Variants in LINGO1 observed in about 807,000 individuals in gnomAD.
LINGO1 encodes leucine-rich repeat and immunoglobulin-like domain-containing nogo receptor-interacting protein 1.
A neutral mutation model predicts 37.3 loss-of-function variants in LINGO1; 11 were observed. That is an observed-to-expected ratio of 0.29 (90% confidence interval 0.19 to 0.49). The LOEUF (loss-of-function observed/expected upper bound fraction) is 0.49, where lower values mean the gene tolerates loss of function less well. Among genes scored for constraint, LINGO1 ranks in the 20% least tolerant of loss-of-function variants. The pLI is 0.99. For synonymous variants in LINGO1, 387 were observed against 403.0 expected, an observed-to-expected ratio of 0.96 and a Z score of 0.48; for missense variants, 585 against 878.2, an observed-to-expected ratio of 0.67 and a Z score of 4.22.
At chr15:77,629,384 C>T (rs1331732061) in intron 1 of LINGO1, among the ~76,000 whole-genome samples, 1 of 152,098 alleles carries the variant, frequency 6.6e-6, no homozygotes, top group Non-Finnish European at 1.5e-5. Context: ...ATGAACCTGC[C>T]TTCTCACACT....
intron 2 of LINGO1, among the ~76,000 whole-genome samples, chr15:77,709,367 G>C (rs886086060): frequency 1.1e-4 from 17 of 152,174 alleles, no homozygotes; most frequent in African/African-American, 4.1e-4. Context: ...TGACCTCACT[G>C]TATGCAGGGA....
intron 1 of LINGO1, among the ~76,000 whole-genome samples, chr15:77,774,034 C>T (rs55665482): frequency 0.033 from 5,014 of 152,220 alleles, 138 homozygotes; most frequent in Middle Eastern, 0.058. Flanking sequence ...GGAGCCCCTA[C>T]CCACCCACTG....
chr15:77,699,771 T>TCACCTGCACACAGTAAGTACATACTAAC (rs1567532365), upstream of LINGO1, among the ~76,000 whole-genome samples: 1 of 89,022 alleles, frequency 1.1e-5, no homozygotes, highest in African/African-American at 4.0e-5. Flanking sequence ...ATACTAACCA[T>TCACCTGCACACAGTAAGTACATACTAAC]CATTCCCCCC....
At chr15:77,736,201 C>A (rs2076202553) in intron 1 of LINGO1, among the ~76,000 whole-genome samples, 1 of 152,206 alleles carries the variant, frequency 6.6e-6, no homozygotes, top group African/African-American at 2.4e-5. Context: ...GCAATCCTAC[C>A]TGAAGGGGTA....
chr15:77,651,704 A>G (rs1461806564), intron 3 of LINGO1: 1 of 152,254 alleles, frequency 6.6e-6, no homozygotes, highest in Non-Finnish European at 1.5e-5. Flanking sequence ...CAAATGAAGA[A>G]CAAGCTCATA....
intron 3 of LINGO1, among the ~76,000 whole-genome samples, chr15:77,659,505 C>T (rs184968810): frequency 9.9e-5 from 15 of 152,206 alleles, no homozygotes; most frequent in Non-Finnish European, 1.5e-4. Context: ...CTGACCAGAA[C>T]CATGTTCCAG....
At chr15:77,732,085 C>T (rs2076159363) in intron 2 of LINGO1, among the ~76,000 whole-genome samples, 1 of 152,180 alleles carries the variant, frequency 6.6e-6, no homozygotes, top group Admixed American at 6.5e-5. Context: ...TCTCATCTTC[C>T]CAATATGCCT....
intron 1 of LINGO1, among the ~76,000 whole-genome samples, chr15:77,819,110 C>T (rs1373441767): frequency 6.7e-6 from 1 of 150,348 alleles, no homozygotes; most frequent in African/African-American, 2.4e-5. Context: ...ACGCCCCCCA[C>T]GGACGCGCAC....
chr15:77,742,984 CA>C (rs1388930637), intron 1 of LINGO1, among the ~76,000 whole-genome samples: 2 of 152,212 alleles, frequency 1.3e-5, no homozygotes, highest in Non-Finnish European at 2.9e-5. Flanking sequence ...GGACAGAACC[CA>C]CGGTGGTGCA....
At chr15:77,741,050 A>C (rs1036448541) in intron 1 of LINGO1, among the ~76,000 whole-genome samples, 3 of 152,094 alleles carry the variant, frequency 2.0e-5, no homozygotes, top group Non-Finnish European at 2.9e-5. Context: ...TCAGGCAGCT[A>C]CCCTACCATG....
chr15:77,692,626 A>G (rs1375512433), intron 1 of LINGO1, among the ~76,000 whole-genome samples: 1 of 152,172 alleles, frequency 6.6e-6, no homozygotes, highest in African/African-American at 2.4e-5. Flanking sequence ...AGCAAAACTC[A>G]TGTCCCTAGG....
At chr15:77,689,157 A>G (rs2075560911) in intron 2 of LINGO1, among the ~76,000 whole-genome samples, 1 of 152,196 alleles carries the variant, frequency 6.6e-6, no homozygotes, top group South Asian at 2.1e-4. Context: ...AAGAGGAATC[A>G]CTAGAGGAGA....
At chr15:77,710,606 G>A (rs1275438008) in intron 2 of LINGO1, among the ~76,000 whole-genome samples, 2 of 152,222 alleles carry the variant, frequency 1.3e-5, no homozygotes, top group Non-Finnish European at 2.9e-5. Context: ...TTTCTGCTGG[G>A]CGTCTCTGCC....
chr15:77,704,320 G>A (rs58139537), intron 2 of LINGO1, among the ~76,000 whole-genome samples: 4,451 of 152,246 alleles, frequency 0.029, 240 homozygotes, highest in African/African-American at 0.1. Context: ...GCTACACATA[G>A]AGCACTATGC....
intron 3 of LINGO1, among the ~76,000 whole-genome samples, chr15:77,647,174 G>T (rs951321797): frequency 6.6e-6 from 1 of 152,142 alleles, no homozygotes; most frequent in Non-Finnish European, 1.5e-5. Flanking sequence ...GAAGGGCAGT[G>T]TCAGGAGCTT....
In LINGO1 at chr15:77,614,689, C is replaced by A; in HGVS notation, c.1218G>T (p.Glu406Asp). Residue 406 changes from glutamate (E) to aspartate (D), a missense_variant, in exon 2 of 2, where the codon GAG becomes GAT. By Grantham distance (45) the Glu-to-Asp change is conservative. Coordinates refer to ENST00000355300, the MANE Select transcript of LINGO1 (RefSeq NM_032808.7). ...GTAGCACATCAGGGAAGTCCTTGAA[C>A]TCCTTGCCCTGGACAAACTCGGGCG... Reference protein sequence around the residue: ...CATPEFVQGKEFKDFPDVLLP... With the variant: ...CATPEFVQGKDFKDFPDVLLP... 1 of 1,611,580 alleles carries A rather than the reference C, an allele frequency of 6.2e-7. No homozygotes were observed. The highest frequency in any genetic ancestry group is 1.1e-5 in the South Asian group (1 of 90,646).
chr15:77,761,885 T>C (rs982648757), intron 1 of LINGO1, among the ~76,000 whole-genome samples: 2 of 152,156 alleles, frequency 1.3e-5, no homozygotes, highest in African/African-American at 4.8e-5. Context: ...GCATATAGCC[T>C]CTTTGAGCCT....
At chr15:77,762,716 C>A (rs1236280151) in intron 1 of LINGO1, among the ~76,000 whole-genome samples, 1 of 152,178 alleles carries the variant, frequency 6.6e-6, no homozygotes, top group African/African-American at 2.4e-5. Context: ...CCACTTTCAA[C>A]ACTCAGTCCA....
At chr15:77,738,639 T>A (rs1295158778) in intron 1 of LINGO1, among the ~76,000 whole-genome samples, 1 of 152,140 alleles carries the variant, frequency 6.6e-6, no homozygotes, top group Non-Finnish European at 1.5e-5. Context: ...CATCACAACA[T>A]AAACTCCATA....
Sources: gnomAD v4.1 joint callset for allele counts (sites outside exome capture counted in the v4.1 genomes callset) on GRCh38, gnomAD v4.1.1 for gene constraint, MANE v1.5 for transcripts, NCBI Gene and HGNC (gene_info 2026-07-23, HGNC 2026-07-21) for gene names.